AGBL1: variants seen among roughly 807,000 people sequenced by gnomAD.
The protein encoded by AGBL1 is AGBL carboxypeptidase 1, also known as cytosolic carboxypeptidase 4.
In AGBL1, 130 loss-of-function variants were observed where a neutral mutation model predicts 118.9. The ratio of observed to expected loss-of-function variants is 1.09; its 90% confidence interval spans 0.95 to 1.26. The LOEUF is 1.26. Among genes scored for constraint, AGBL1 ranks in the 50% most tolerant of loss-of-function variants. The probability of loss-of-function intolerance (pLI) is 0.00; values close to 1 mark genes in which losing one functional copy is unlikely to be tolerated. For synonymous variants in AGBL1, 555 were observed against 478.9 expected (o/e 1.16, Z -2.08); for missense variants, 1,584 against 1,298.1 (o/e 1.22, Z -3.38).
intron 17 of AGBL1, among the ~76,000 whole-genome samples, chr15:86,301,670 G>A (rs2079748443): frequency 6.6e-6 from 1 of 150,706 alleles, no homozygotes; most frequent in African/African-American, 2.4e-5. Context: ...GTGTGTGTGT[G>A]TGTGTGTGTG....
At chr15:86,871,212 C>G (rs1408661841) in intron 22 of AGBL1, among the ~76,000 whole-genome samples, 1 of 152,148 alleles carries the variant, frequency 6.6e-6, no homozygotes, top group Non-Finnish European at 1.5e-5. Flanking sequence ...GAAATTGTCT[C>G]CAGTATCCAT....
At chr15:86,456,086 TC>T (rs1249608548) in intron 18 of AGBL1, among the ~76,000 whole-genome samples, 1 of 152,206 alleles carries the variant, frequency 6.6e-6, no homozygotes, top group Non-Finnish European at 1.5e-5. Context: ...TGTATATTTT[TC>T]TATATGTCAG....
At chr15:86,693,271 AT>A (rs578062767) in intron 22 of AGBL1, among the ~76,000 whole-genome samples, 1,589 of 150,362 alleles carry the variant, frequency 0.011, 13 homozygotes, top group Middle Eastern at 0.027. Context: ...ACCGACATCT[AT>A]TTTTTTTTAA....
intron 22 of AGBL1, among the ~76,000 whole-genome samples, chr15:86,715,292 C>T (rs1211591380): frequency 3.3e-5 from 5 of 152,202 alleles, no homozygotes; most frequent in Admixed American, 6.5e-5. Context: ...TCTATAATGG[C>T]AAATTATCCT....
chr15:86,526,928 C>A (rs983709409), intron 19 of AGBL1, among the ~76,000 whole-genome samples: 2 of 152,100 alleles, frequency 1.3e-5, no homozygotes, highest in African/African-American at 4.8e-5. Flanking sequence ...GATAGGTACA[C>A]TTAAAGGGGA....
At chr15:86,623,131 C>G (rs981182979) in intron 21 of AGBL1, among the ~76,000 whole-genome samples, 1 of 152,208 alleles carries the variant, frequency 6.6e-6, no homozygotes, top group Non-Finnish European at 1.5e-5. Flanking sequence ...CTCCACTTAC[C>G]TCCTGCCTAA....
chr15:86,129,022 C>G (rs532008993), intron 1 of AGBL1, among the ~76,000 whole-genome samples: 1 of 152,110 alleles, frequency 6.6e-6, no homozygotes, highest in Non-Finnish European at 1.5e-5. Flanking sequence ...GACAATAAAA[C>G]GAACAGAAAA....
At chr15:86,474,491 C>G (rs2082525258) in intron 18 of AGBL1, among the ~76,000 whole-genome samples, 1 of 152,228 alleles carries the variant, frequency 6.6e-6, no homozygotes, top group South Asian at 2.1e-4. Flanking sequence ...GCACAGCAGT[C>G]TGAGATCGAA....
At chr15:86,823,392 C>G (rs1252849199) in intron 22 of AGBL1, among the ~76,000 whole-genome samples, 3 of 152,166 alleles carry the variant, frequency 2.0e-5, no homozygotes, top group Admixed American at 6.5e-5. Context: ...TGCAGGACAA[C>G]AGTCTGTCAG....
intron 24 of AGBL1, among the ~76,000 whole-genome samples, chr15:87,002,764 A>T (rs1428959023): frequency 1.3e-5 from 2 of 152,156 alleles, no homozygotes; most frequent in Non-Finnish European, 2.9e-5. Flanking sequence ...TTCACTCATG[A>T]TTTGGCTCTC....
chr15:86,747,675 G>A (rs1262696375), intron 22 of AGBL1, among the ~76,000 whole-genome samples: 1 of 152,004 alleles, frequency 6.6e-6, no homozygotes, highest in East Asian at 1.9e-4. Context: ...TCCCCTTCCT[G>A]TGTCCATGTG....
chr15:86,373,357 C>T (rs922017023), intron 17 of AGBL1, among the ~76,000 whole-genome samples: 4 of 152,160 alleles, frequency 2.6e-5, no homozygotes, highest in African/African-American at 9.7e-5. Flanking sequence ...GAGAAATCAC[C>T]TTGACATGCT....
Position 86,522,815 on chromosome 15 carries a change from G to A in AGBL1, c.2561G>A (p.Arg854Lys), listed in dbSNP as rs1001519776. ...CTTATTATTTGTTCCTGTAGCCACA[G>A]ATGCTCACTGAGCGGGGAAGATTTG... ...NPDGVINGNHRCSLSGEDLNR... is the reference protein window; with the variant it reads ...NPDGVINGNHKCSLSGEDLNR... The change falls in exon 19 of 23, where the codon AGA becomes AAA. Residue 854 changes from arginine to lysine, a missense_variant. Coordinates refer to ENST00000614907, the MANE Select transcript of AGBL1 (RefSeq NM_001386094.1). 16 of 1,613,492 alleles carry A rather than the reference G, an allele frequency of 9.9e-6. No individual in the cohort carries two copies. The African/African-American group carries it at 2.1e-4, about 22-fold the overall frequency.
At chr15:86,717,615 A>G (rs1489944306) in intron 22 of AGBL1, among the ~76,000 whole-genome samples, 1 of 152,212 alleles carries the variant, frequency 6.6e-6, no homozygotes, top group Non-Finnish European at 1.5e-5. Context: ...GAGCAGAAGT[A>G]GCCTTAGCCA....
At chr15:86,619,557 G>A (rs1284707412) in intron 21 of AGBL1, among the ~76,000 whole-genome samples, 5 of 152,194 alleles carry the variant, frequency 3.3e-5, no homozygotes, top group Non-Finnish European at 5.9e-5. Context: ...TGTCTTTCCT[G>A]TTAAGAGGTA....
At chr15:86,125,106 A>C (rs554162545) in intron 1 of AGBL1, among the ~76,000 whole-genome samples, 5 of 152,308 alleles carry the variant, frequency 3.3e-5, no homozygotes, top group African/African-American at 1.2e-4. Flanking sequence ...GTTTTCAGTC[A>C]TGGTGAATGT....
At chr15:86,391,712 C>T (rs2081290740) in intron 17 of AGBL1, among the ~76,000 whole-genome samples, 1 of 127,466 alleles carries the variant, frequency 7.8e-6, no homozygotes, top group South Asian at 2.5e-4. Context: ...CCTTAGTATG[C>T]CCCAGAAAGG....
intron 17 of AGBL1, among the ~76,000 whole-genome samples, chr15:86,324,786 G>C (rs944215895): frequency 2.0e-5 from 3 of 152,190 alleles, no homozygotes; most frequent in Non-Finnish European, 4.4e-5. Flanking sequence ...AGACATTTAA[G>C]CCAATACCCC....
chr15:86,940,417 GAGTGATC>G (rs1413094846), intron 23 of AGBL1, among the ~76,000 whole-genome samples: 1 of 152,068 alleles, frequency 6.6e-6, no homozygotes, highest in Non-Finnish European at 1.5e-5. Flanking sequence ...TAATCTCTCT[GAGTGATC>G]AGGCACTCAC....
Sources: allele counts gnomAD v4.1 joint callset (sites outside exome capture counted in the v4.1 genomes callset), GRCh38; gene constraint gnomAD v4.1.1; transcripts MANE v1.5; gene names NCBI Gene and HGNC (gene_info 2026-07-23, HGNC 2026-07-21).